Variants in MCC observed in about 807,000 individuals in gnomAD.
The protein encoded by MCC is MCC regulator of Wnt signaling pathway.
Under a neutral mutation model 116.2 loss-of-function variants are expected in MCC, and 90 were observed. That is an observed-to-expected ratio of 0.77 (90% CI 0.65 to 0.92). The LOEUF (loss-of-function observed/expected upper bound fraction) is 0.92. Ranked by LOEUF, MCC falls within the 40% of genes least tolerant of loss-of-function variation. The pLI is 0.00. For missense variants in MCC, 1,516 were observed against 1,312.2 expected, an observed-to-expected ratio of 1.16 and a Z score of -2.40; for synonymous variants, 578 against 510.5, an observed-to-expected ratio of 1.13 and a Z score of -1.78.
In MCC at chr5:113,461,744, TAAAA is replaced by T. The variant is rs56312844; in HGVS notation, c.170+26497_170+26500del. On this transcript the variant is annotated intron_variant, in intron 1 of 18. Transcript: ENST00000408903. ...TTTAAGGATGAACAACTTGCACCAG[TAAAA>T]AAAAAAAAAAAAAAAAAAAATTCTG... Among the ~76,000 whole-genome samples the T allele has an allele frequency of 2.8e-3, 329 of 118,798 alleles. 5 individuals carry two copies. Among genetic ancestry groups the T allele is most frequent in the East Asian group, 0.023 (92 of 4,030 alleles). 77.9% of individuals were successfully genotyped at this position (118,798 alleles called of 152,430 possible). A position where few individuals can be genotyped will look rare whatever the true frequency, so the allele number is the denominator to read the frequency against.
Position 113,246,748 on chromosome 5 carries a change from G to A in MCC, c.627+93771C>T, listed in dbSNP as rs979355110. Among the ~76,000 whole-genome samples the A allele has an allele frequency of 2.0e-5, 3 of 152,192 alleles. No individual in the cohort carries two copies. In the East Asian group the frequency reaches 5.8e-4, roughly 29 times the overall value. The stretch of plus-strand genomic sequence containing the variant: ...GTGAACTTTTTATTGTCTTCCTGAA[G>A]TTATGTGTTACTTCTGTAAAGCACT... On this transcript the variant is annotated intron_variant, in intron 3 of 18. Transcript: ENST00000408903.
chr5:113,298,665 G>A (rs993828955), intron 3 of MCC, among the ~76,000 whole-genome samples: 36 of 152,162 alleles, frequency 2.4e-4, no homozygotes, highest in African/African-American at 7.7e-4. Context: ...CAAAAACTAT[G>A]AGATTAGCTT....
chr5:113,126,325 G>A (rs1196956633), intron 5 of MCC, among the ~76,000 whole-genome samples: 2 of 152,162 alleles, frequency 1.3e-5, no homozygotes, highest in Admixed American at 6.5e-5. Flanking sequence ...TTTTAGCCAG[G>A]ACCACTACCT....
chr5:113,111,860 C>T (rs7737534), intron 6 of MCC, among the ~76,000 whole-genome samples: 3,006 of 152,258 alleles, frequency 0.02, 113 homozygotes, highest in African/African-American at 0.069. Context: ...GTTAAACACA[C>T]ACCAGTGGAC....
At chr5:113,308,687 C>G (rs1265747904) in intron 3 of MCC, among the ~76,000 whole-genome samples, 1 of 151,906 alleles carries the variant, frequency 6.6e-6, no homozygotes, top group Non-Finnish European at 1.5e-5. Context: ...ATTATCCAGG[C>G]CTGGTCCCAG....
intron 1 of MCC, among the ~76,000 whole-genome samples, chr5:113,404,821 A>AC (rs1769787066): frequency 6.6e-6 from 1 of 151,980 alleles, no homozygotes; most frequent in African/African-American, 2.4e-5. Context: ...TCAAGTTAAA[A>AC]AAAAAGGCAG....
intron 3 of MCC, among the ~76,000 whole-genome samples, chr5:113,309,752 G>A (rs1767091406): frequency 6.6e-6 from 1 of 152,112 alleles, no homozygotes; most frequent in Non-Finnish European, 1.5e-5. Flanking sequence ...TCCAGTATCT[G>A]GGTATTGCTG....
chr5:113,196,580 G>T (rs1343087130), intron 3 of MCC, among the ~76,000 whole-genome samples: 1 of 152,248 alleles, frequency 6.6e-6, no homozygotes, highest in African/African-American at 2.4e-5. Flanking sequence ...GTCGGGCGCA[G>T]TGGCTCACGC....
chr5:113,086,945 T>C (rs993731174), intron 8 of MCC, among the ~76,000 whole-genome samples: 8 of 152,220 alleles, frequency 5.3e-5, no homozygotes, highest in Non-Finnish European at 8.8e-5. Context: ...TCTAGTAAGC[T>C]CGCAAAAGAT....
At chr5:113,468,496 G>A (rs1370241161) in intron 1 of MCC, among the ~76,000 whole-genome samples, 19 of 152,192 alleles carry the variant, frequency 1.2e-4, no homozygotes, top group East Asian at 7.7e-4. Context: ...ATTGATTTGC[G>A]TATGTTGAAC....
chr5:113,336,742 G>T (rs1242532274), intron 3 of MCC, among the ~76,000 whole-genome samples: 2 of 152,146 alleles, frequency 1.3e-5, no homozygotes, highest in Non-Finnish European at 2.9e-5. Flanking sequence ...TGGCCATTTT[G>T]CTACTTCGAT....
intron 3 of MCC, among the ~76,000 whole-genome samples, chr5:113,280,606 G>T (rs926433348): frequency 1.3e-5 from 2 of 152,148 alleles, no homozygotes; most frequent in African/African-American, 4.8e-5. Context: ...CAGAGAAGGT[G>T]ACATGTTGAG....
At chr5:113,197,831 G>A (rs939307715) in intron 3 of MCC, among the ~76,000 whole-genome samples, 3 of 152,210 alleles carry the variant, frequency 2.0e-5, no homozygotes, top group African/African-American at 7.2e-5. Context: ...AGCCCAAGGT[G>A]GCCAACTCCA....
At chr5:113,204,539 T>C (rs1762826945) in intron 3 of MCC, 1 of 152,246 alleles carries the variant, frequency 6.6e-6, no homozygotes, top group African/African-American at 2.4e-5. Context: ...CAAGTCTCTG[T>C]TCTCTCGTCT....
intron 3 of MCC, among the ~76,000 whole-genome samples, chr5:113,306,996 T>A (rs1243201437): frequency 6.6e-6 from 1 of 152,228 alleles, no homozygotes; most frequent in Non-Finnish European, 1.5e-5. Context: ...GACTCTCAAT[T>A]CTATTCCACT....
At chr5:113,151,249 A>T in intron 4 of MCC, 60 bp downstream of exon 4, 2 of 995,786 alleles carry the variant, frequency 2.0e-6, no homozygotes, top group Non-Finnish European at 1.5e-6. Flanking sequence ...GTTTTATCTT[A>T]AGATTAAATA....
chr5:113,460,223 A>C (rs747571904), intron 1 of MCC, among the ~76,000 whole-genome samples: 1 of 152,210 alleles, frequency 6.6e-6, no homozygotes, highest in Non-Finnish European at 1.5e-5. Context: ...CATGAAGGGA[A>C]TCCTCTTTCC....
chr5:113,148,476 G>A (rs1759657841), intron 4 of MCC, among the ~76,000 whole-genome samples: 1 of 152,204 alleles, frequency 6.6e-6, no homozygotes, highest in African/African-American at 2.4e-5. Flanking sequence ...TCTTGGTAAT[G>A]TCTGTTGAAC....
At chr5:113,035,785 T>C (rs1751287957) in intron 17 of MCC, among the ~76,000 whole-genome samples, 1 of 152,146 alleles carries the variant, frequency 6.6e-6, no homozygotes, top group Non-Finnish European at 1.5e-5. Flanking sequence ...CTTCATATTA[T>C]TCATTGCAAA....
Sources: gnomAD v4.1 joint callset for allele counts (sites outside exome capture counted in the v4.1 genomes callset) on GRCh38, gnomAD v4.1.1 for gene constraint, MANE v1.5 for transcripts, NCBI Gene and HGNC (gene_info 2026-07-23, HGNC 2026-07-21) for gene names.